The following ZNF362 variants were observed in gnomAD, a reference collection of about 807,000 sequenced individuals.
ZNF362 encodes rotund homolog.
In ZNF362, 11 loss-of-function variants were observed where a neutral mutation model predicts 42.9. The ratio of observed to expected loss-of-function variants is 0.26; its 90% confidence interval spans 0.16 to 0.42. The LOEUF (loss-of-function observed/expected upper bound fraction) is 0.42. Ranked by LOEUF, ZNF362 falls within the 20% of genes least tolerant of loss-of-function variation. The pLI is 1.00. For missense variants in ZNF362, 362 were observed against 576.2 expected (o/e 0.63, Z 3.81); for synonymous variants, 255 against 257.3 (o/e 0.99, Z 0.09).
intron 1 of ZNF362, among the ~76,000 whole-genome samples, chr1:33,260,212 T>C (rs2148061878): frequency 6.6e-6 from 1 of 152,346 alleles, no homozygotes; most frequent in South Asian, 2.1e-4. Flanking sequence ...ACTTTTCTAA[T>C]GTTTCCTAGG....
At chr1:33,158,332 A>G in the ZNF362 span, 2 of 1,613,926 alleles carry the variant, frequency 1.2e-6, no homozygotes, top group South Asian at 1.1e-5. Context: ...GGAAGTCTTC[A>G]TATGTGAGGT....
Position 33,280,483 on chromosome 1 carries a change from C to CGAGT in ZNF362, c.683+28_683+31dup, listed in dbSNP as rs752573192. 13 of 1,526,470 alleles carry CGAGT rather than the reference C, an allele frequency of 8.5e-6. No individual in the cohort carries two copies. In the South Asian group the frequency reaches 1.5e-4, roughly 18 times the overall value. The allele number at this position is 1,526,470 out of a possible 1,614,324, so 94.6% of individuals were successfully genotyped here. On this transcript the variant is annotated intron_variant, in intron 5 of 8. Transcript: ENST00000539719. The surrounding 1 kb of genome is among the most constrained non-coding windows in gnomAD (Gnocchi z 5.6). Reference sequence around the variant, plus strand: ...GTGGGGGTCTTGGCGGGATGGGGTCCGAGTGGGCTTGGGGCTGGGGCTTGA... The same window carrying CGAGT: ...GTGGGGGTCTTGGCGGGATGGGGTCCGAGTGAGTGGGCTTGGGGCTGGGGCTTGA...
intron 6 of ZNF362, among the ~76,000 whole-genome samples, chr1:33,286,337 T>G (rs920047335): frequency 2.0e-5 from 3 of 151,980 alleles, no homozygotes; most frequent in African/African-American, 7.3e-5. Context: ...GAATTCTGTT[T>G]TTTTTTTCCA....
chr1:33,253,287 C>T (rs1474400825), upstream of ZNF362, among the ~76,000 whole-genome samples: 1 of 148,478 alleles, frequency 6.7e-6, no homozygotes, highest in East Asian at 2.0e-4. Flanking sequence ...CTCAGTCTCT[C>T]CATCCCTAGC....
the ZNF362 span, among the ~76,000 whole-genome samples, chr1:33,223,718 C>G: frequency 6.6e-6 from 1 of 152,048 alleles, no homozygotes; most frequent in Admixed American, 6.5e-5. Flanking sequence ...CATGGTGAAA[C>G]CCTGTCTCTA....
chr1:33,294,802 G>T lies in ZNF362; in HGVS notation c.909-135G>T, dbSNP rs560965248. Reference sequence around the variant, plus strand: ...GTTGAAGTCCCCAGCTCTTGCCTGGGCTCACTCTTGGTCCTTGGGGAGCAT... The same window carrying T: ...GTTGAAGTCCCCAGCTCTTGCCTGGTCTCACTCTTGGTCCTTGGGGAGCAT... On this transcript the variant is annotated intron_variant, in intron 6 of 8. Coordinates refer to ENST00000539719, the MANE Select transcript of ZNF362 (RefSeq NM_152493.3). This position sits in a 1 kb window ranked among gnomAD's most constrained non-coding sequence, Gnocchi z 4.2. The T allele has an allele frequency of 3.3e-6, 3 of 900,880 alleles. No individual in the cohort carries two copies. The South Asian group carries it at 4.6e-5, about 14-fold the overall frequency. The allele number at this position is 900,880 out of a possible 1,614,324, so 55.8% of individuals were successfully genotyped here. A position where few individuals can be genotyped will look rare whatever the true frequency, so the allele number is the denominator to read the frequency against.
the ZNF362 span, among the ~76,000 whole-genome samples, chr1:33,250,896 G>GAAGAAGAAGA: frequency 5.0e-4 from 20 of 39,972 alleles, no homozygotes; most frequent in East Asian, 1.7e-3. Flanking sequence ...GAAGAAGAAG[G>GAAGAAGAAGA]AGAAGAAGAA....
At chr1:33,210,498 T>C in the ZNF362 span, among the ~76,000 whole-genome samples, 4 of 152,182 alleles carry the variant, frequency 2.6e-5, no homozygotes, top group Non-Finnish European at 5.9e-5. Flanking sequence ...TTCTGTCTCA[T>C]TGATCTGTCT....
the ZNF362 span, among the ~76,000 whole-genome samples, chr1:33,202,933 T>C: frequency 5.4e-4 from 82 of 152,290 alleles, no homozygotes; most frequent in South Asian, 0.014. Context: ...GTTGTTAATG[T>C]AGTCAAGCAA....
At chr1:33,297,116 G>A (rs1041597307) in intron 8 of ZNF362, among the ~76,000 whole-genome samples, 12 of 152,136 alleles carry the variant, frequency 7.9e-5, no homozygotes, top group African/African-American at 2.9e-4. Context: ...GGAGTTCAAA[G>A]GGCAGAGGAG....
the ZNF362 span, among the ~76,000 whole-genome samples, chr1:33,212,851 A>G: frequency 6.6e-6 from 1 of 152,212 alleles, no homozygotes; most frequent in African/African-American, 2.4e-5. Context: ...AGACAGCCGA[A>G]CTATATGAGA....
At chr1:33,139,435 C>T in the ZNF362 span, among the ~76,000 whole-genome samples, 1 of 152,202 alleles carries the variant, frequency 6.6e-6, no homozygotes, top group South Asian at 2.1e-4. Flanking sequence ...CAGTGGGAGA[C>T]CCAGAGTCCT....
At chr1:33,173,008 T>A in the ZNF362 span, among the ~76,000 whole-genome samples, 2 of 152,130 alleles carry the variant, frequency 1.3e-5, no homozygotes. Flanking sequence ...TCTCCTCTTC[T>A]CCATGTCTGG....
At chr1:33,250,744 T>G in the ZNF362 span, among the ~76,000 whole-genome samples, 11 of 136,408 alleles carry the variant, frequency 8.1e-5, no homozygotes, top group Non-Finnish European at 1.4e-4. Context: ...AACTGAAAAG[T>G]TGAAGAAAAA....
At chr1:33,247,703 C>T in the ZNF362 span, among the ~76,000 whole-genome samples, 1 of 152,206 alleles carries the variant, frequency 6.6e-6, no homozygotes, top group Non-Finnish European at 1.5e-5. Flanking sequence ...CCGGGCCAGT[C>T]TTGAAAGGGA....
the ZNF362 span, among the ~76,000 whole-genome samples, chr1:33,200,994 A>G: frequency 6.6e-6 from 1 of 152,210 alleles, no homozygotes; most frequent in African/African-American, 2.4e-5. Context: ...ACAAGGAGAG[A>G]GGCCTCAGAA....
the ZNF362 span, among the ~76,000 whole-genome samples, chr1:33,136,113 C>CCCTTCCTTCCTTGCTT: frequency 7.5e-4 from 78 of 103,572 alleles, 3 homozygotes; most frequent in African/African-American, 2.7e-3. Flanking sequence ...CAGGGGCCAG[C>CCCTTCCTTCCTTGCTT]CCTTCCTTCC....
intron 7 of ZNF362, 40 bp from the exon 8 acceptor site, chr1:33,295,107 A>G (rs1465103417): frequency 2.0e-6 from 3 of 1,498,652 alleles, no homozygotes; most frequent in Non-Finnish European, 1.8e-6. Context: ...GGGGTGAGGG[A>G]GCCCTGTTCC....
chr1:33,167,735 C>T, the ZNF362 span, among the ~76,000 whole-genome samples: 1 of 152,202 alleles, frequency 6.6e-6, no homozygotes, highest in East Asian at 1.9e-4. This position sits in a 1 kb window ranked among gnomAD's most constrained non-coding sequence, Gnocchi z 4.2. Flanking sequence ...TTCAGCTTGT[C>T]AGACCAGGGA....
Sources: gnomAD v4.1 joint callset for allele counts (sites outside exome capture counted in the v4.1 genomes callset) on GRCh38, gnomAD v4.1.1 for gene constraint, Gnocchi (gnomAD v3.1) non-coding constraint, MANE v1.5 for transcripts, NCBI Gene and HGNC (gene_info 2026-07-23, HGNC 2026-07-21) for gene names.